Variants in NRXN3 observed in about 807,000 individuals in gnomAD.
NRXN3 encodes the protein neurexin III.
Under a neutral mutation model 137.6 loss-of-function variants are expected in NRXN3, and 32 were observed. The observed-to-expected ratio is 0.23, with a 90% CI of 0.18 to 0.31. The LOEUF (loss-of-function observed/expected upper bound fraction) is 0.31, where lower values mean the gene tolerates loss of function less well. NRXN3 is among the 10% of genes least tolerant of loss of function. NRXN3 has a pLI of 1.00. For missense variants in NRXN3, 1,574 were observed against 2,062.5 expected (o/e 0.76, Z 4.59); for synonymous variants, 798 against 784.5 (o/e 1.02, Z -0.29).
chr14:79,630,969 G>T (rs184512601), intron 16 of NRXN3, among the ~76,000 whole-genome samples: 1 of 152,328 alleles, frequency 6.6e-6, no homozygotes, highest in African/African-American at 2.4e-5. Context: ...CCCTGCTTTA[G>T]AATGCAGTGG....
chr14:79,364,670 A>C (rs1025337237), intron 15 of NRXN3, among the ~76,000 whole-genome samples: 2 of 20,578 alleles, frequency 9.7e-5, no homozygotes, highest in Admixed American at 6.8e-4. Flanking sequence ...GGTAAAAATG[A>C]AACAAAATAA....
chr14:78,186,416 G>T (rs1005984978), intron 1 of NRXN3, among the ~76,000 whole-genome samples: 3 of 152,188 alleles, frequency 2.0e-5, no homozygotes, highest in Admixed American at 1.3e-4. Context: ...TATTCTTTTT[G>T]CAGCGTGTAC....
intron 4 of NRXN3, among the ~76,000 whole-genome samples, chr14:78,468,463 A>G (rs542082931): frequency 6.6e-6 from 1 of 152,148 alleles, no homozygotes; most frequent in African/African-American, 2.4e-5. Flanking sequence ...AAGTTAGCAG[A>G]GGCTTGTTTT....
intron 16 of NRXN3, among the ~76,000 whole-genome samples, chr14:79,493,460 T>C (rs922725478): frequency 2.0e-5 from 3 of 152,230 alleles, no homozygotes; most frequent in Non-Finnish European, 4.4e-5. Context: ...TGGAATCTTC[T>C]ACTGGGCAAG....
At chr14:78,566,687 T>C (rs984521240) in intron 4 of NRXN3, among the ~76,000 whole-genome samples, 1 of 152,138 alleles carries the variant, frequency 6.6e-6, no homozygotes, top group Non-Finnish European at 1.5e-5. Context: ...TTTCCTCCCA[T>C]TTTATCGAGT....
chr14:78,244,536 T>G, intron 2 of NRXN3, among the ~76,000 whole-genome samples: 1 of 152,122 alleles, frequency 6.6e-6, no homozygotes, highest in East Asian at 1.9e-4. Context: ...TCCCCATCAC[T>G]TCCTCTTAAT....
intron 4 of NRXN3, among the ~76,000 whole-genome samples, chr14:78,399,429 GT>G (rs2091834113): frequency 6.6e-6 from 1 of 152,158 alleles, no homozygotes; most frequent in South Asian, 2.1e-4. Context: ...CATTTGATAA[GT>G]GTATGAGAAA....
At chr14:78,191,493 G>T (rs2060723450) in intron 1 of NRXN3, among the ~76,000 whole-genome samples, 1 of 152,216 alleles carries the variant, frequency 6.6e-6, no homozygotes, top group African/African-American at 2.4e-5. Context: ...GGCTGTGGGA[G>T]GAGGCTGAGA....
At chr14:79,325,516 G>A (rs567041285) in intron 15 of NRXN3, among the ~76,000 whole-genome samples, 1 of 152,286 alleles carries the variant, frequency 6.6e-6, no homozygotes, top group African/African-American at 2.4e-5. Flanking sequence ...CGTATAAACA[G>A]AAAAGTAAAG....
intron 4 of NRXN3, among the ~76,000 whole-genome samples, chr14:78,408,948 G>A (rs1006681095): frequency 2.6e-5 from 4 of 152,206 alleles, no homozygotes; most frequent in African/African-American, 9.6e-5. Context: ...AACAGAGTGA[G>A]GATGGTCCAG....
intron 15 of NRXN3, among the ~76,000 whole-genome samples, chr14:79,270,004 C>T (rs756603452): frequency 5.3e-4 from 80 of 152,160 alleles, no homozygotes; most frequent in Non-Finnish European, 5.3e-4. Flanking sequence ...TTTGCAGCAT[C>T]CAGGCATTGG....
At chr14:78,358,157 GAGAC>G (rs1040768354) in intron 4 of NRXN3, among the ~76,000 whole-genome samples, 15 of 152,142 alleles carry the variant, frequency 9.9e-5, no homozygotes, top group African/African-American at 3.1e-4. Context: ...TGGAAAAAGA[GAGAC>G]AGAAAGTCAA....
intron 4 of NRXN3, among the ~76,000 whole-genome samples, chr14:78,420,822 T>G (rs2093411707): frequency 6.6e-6 from 1 of 152,216 alleles, no homozygotes; most frequent in Non-Finnish European, 1.5e-5. Context: ...TTCGTTCCAC[T>G]GCTATAGCCT....
rs2142005413 is a variant in NRXN3, at chr14:79,866,313, A to G, written c.*4349A>G. On this transcript the variant is annotated 3_prime_UTR_variant, in exon 21 of 21. Coordinates refer to ENST00000335750, the MANE Select transcript of NRXN3 (RefSeq NM_001330195.2). ...ATTAAATTGAGAGCCTTGGGAGCTT[A>G]TCATCTAGTAAAGATGAACAAAAAA... is the stretch of plus-strand genomic sequence containing the variant. 1 of 152,316 alleles carries G rather than the reference A, an allele frequency of 6.6e-6. No individual in the cohort carries two copies. The highest frequency in any genetic ancestry group is 2.1e-4 in the South Asian group (1 of 4,822). The allele number at this position is 152,316 out of a possible 1,614,324, so 9.4% of individuals were successfully genotyped here.
chr14:78,930,200 T>G (rs1164471850), intron 10 of NRXN3, among the ~76,000 whole-genome samples: 1 of 152,148 alleles, frequency 6.6e-6, no homozygotes, highest in East Asian at 1.9e-4. Flanking sequence ...ATGTTAAGAA[T>G]GAACTAAGTT....
intron 2 of NRXN3, among the ~76,000 whole-genome samples, chr14:78,265,610 C>G (rs1377112037): frequency 6.6e-6 from 1 of 152,126 alleles, no homozygotes; most frequent in Non-Finnish European, 1.5e-5. Flanking sequence ...AAATCCAGTG[C>G]TTGCTCTCAC....
intron 4 of NRXN3, among the ~76,000 whole-genome samples, chr14:78,480,305 A>G (rs1184158977): frequency 2.6e-5 from 4 of 152,246 alleles, no homozygotes; most frequent in East Asian, 1.9e-4. Flanking sequence ...CACATTCAAC[A>G]TAATTAGGTA....
intron 15 of NRXN3, among the ~76,000 whole-genome samples, chr14:79,118,129 A>G (rs1226655283): frequency 6.6e-6 from 1 of 151,814 alleles, no homozygotes; most frequent in Admixed American, 6.6e-5. Flanking sequence ...CCCAGTGGGG[A>G]ACACACATCA....
At chr14:78,753,192 G>A (rs1044972932) in intron 8 of NRXN3, among the ~76,000 whole-genome samples, 1 of 152,106 alleles carries the variant, frequency 6.6e-6, no homozygotes, top group African/African-American at 2.4e-5. Context: ...AACATGGATG[G>A]GTTCTCATTT....
Sources: allele counts gnomAD v4.1 joint callset (sites outside exome capture counted in the v4.1 genomes callset), GRCh38; gene constraint gnomAD v4.1.1; transcripts MANE v1.5; gene names NCBI Gene and HGNC (gene_info 2026-07-23, HGNC 2026-07-21).